The following PAX8 variants were observed in gnomAD, a reference collection of about 807,000 sequenced individuals.
The protein encoded by PAX8 is paired box protein Pax-8.
Under a neutral mutation model 52.4 loss-of-function variants are expected in PAX8, and 15 were observed. The observed-to-expected ratio is 0.29, with a 90% CI of 0.19 to 0.44. PAX8 has a LOEUF of 0.44. Among genes scored for constraint, PAX8 ranks in the 20% least tolerant of loss-of-function variants. PAX8 has a pLI of 1.00. For synonymous variants in PAX8, 284 were observed against 249.7 expected (o/e 1.14, Z -1.29); for missense variants, 554 against 602.5 (o/e 0.92, Z 0.84).
intron 11 of PAX8, 144 bp downstream of exon 11, chr2:113,219,948 T>A: frequency 1.6e-6 from 1 of 621,182 alleles, no homozygotes; most frequent in South Asian, 1.9e-5. Flanking sequence ...CCTGCTGCCT[T>A]CTTCCATCAC....
intron 2 of PAX8, among the ~76,000 whole-genome samples, chr2:113,249,603 G>A (rs1039393963): frequency 2.0e-5 from 3 of 152,046 alleles, no homozygotes; most frequent in South Asian, 2.1e-4. Flanking sequence ...AAAAGAAAAC[G>A]ACGCTGTAAG....
At chr2:113,250,250 G>C (rs1325052630) in intron 2 of PAX8, among the ~76,000 whole-genome samples, 1 of 129,624 alleles carries the variant, frequency 7.7e-6, no homozygotes, top group African/African-American at 3.0e-5. Flanking sequence ...CTGGGTGACA[G>C]AGCAAGACTC....
chr2:113,218,769 T>A (rs1469629671), intron 11 of PAX8, among the ~76,000 whole-genome samples, 160 bp from the exon 12 acceptor site: 1 of 152,204 alleles, frequency 6.6e-6, no homozygotes, highest in Non-Finnish European at 1.5e-5. Context: ...CCAGCCCTAT[T>A]TCCTCCTTCT....
intron 10 of PAX8, 183 bp downstream of exon 10, chr2:113,226,972 G>A: frequency 2.0e-6 from 3 of 1,512,918 alleles, no homozygotes; most frequent in Admixed American, 4.0e-5. Flanking sequence ...TAAATAGGGA[G>A]TCAGGACTGC....
At chr2:113,237,409 CAG>C in intron 7 of PAX8, 1 of 152,274 alleles carries the variant, frequency 6.6e-6, no homozygotes, top group South Asian at 2.1e-4. Flanking sequence ...TATAGTGAAA[CAG>C]ACTAAACCCG....
chr2:113,272,967 G>T (rs1693565069), intron 2 of PAX8: 1 of 152,142 alleles, frequency 6.6e-6, no homozygotes, highest in Admixed American at 6.5e-5. Context: ...TTGAAGGTGG[G>T]CTCATTCATT....
chr2:113,247,081 C>A (rs1178800652), intron 2 of PAX8, among the ~76,000 whole-genome samples, 162 bp from the exon 3 acceptor site: 1 of 152,254 alleles, frequency 6.6e-6, no homozygotes, highest in East Asian at 1.9e-4. Flanking sequence ...TTCCCCAGTT[C>A]TCACTCCCAA....
At chr2:113,220,225 A>C (rs1277984951) in intron 10 of PAX8, 47 bp from the exon 11 acceptor site, 9 of 1,444,914 alleles carry the variant, frequency 6.2e-6, no homozygotes, top group Non-Finnish European at 8.7e-6. Flanking sequence ...AAGGGCATCA[A>C]TGCAGGGCTG....
chr2:113,260,075 A>G (rs144193475), intron 2 of PAX8, among the ~76,000 whole-genome samples: 29 of 152,262 alleles, frequency 1.9e-4, no homozygotes, highest in African/African-American at 7.0e-4. Context: ...TTTTCAGTAC[A>G]TTAGATTTCA....
In PAX8 at chr2:113,226,516, G is replaced by A. The variant is rs908248490; in HGVS notation, c.1189+639C>T. ...ACAAAGAAACCCAAATGACTGGCAG[G>A]CAGGTTCCAGAACAGTCCAAATGAG... On this transcript the variant is annotated intron_variant, in intron 10 of 11. Coordinates refer to ENST00000429538, the MANE Select transcript of PAX8 (RefSeq NM_003466.4). The A allele has an allele frequency of 4.0e-6, 4 of 988,292 alleles. No homozygotes were observed. In the African/African-American group the frequency reaches 7.0e-5, roughly 17 times the overall value. The allele number at this position is 988,292 out of a possible 1,614,324, so 61.2% of individuals were successfully genotyped here.
At position 113,227,174 on chromosome 2, in the gene PAX8, G is replaced by A; in HGVS notation, c.1170C>T (p.Ala390=). The A allele has an allele frequency of 6.2e-7, 1 of 1,603,790 alleles. No individual in the cohort carries two copies. The highest frequency in any genetic ancestry group is 8.5e-7 in the Non-Finnish European group (1 of 1,175,938). Residue 390 remains alanine, a synonymous_variant, in exon 10 of 12, where the codon GCC becomes GCT. Transcript: ENST00000429538. ...TSGQGSYASS[A]IAGMVAGSEY... ...CCTTACCTGCCACCATGCCTGCGAT[G>A]GCAGAGGAGGCATAGCTGCCCTGTC...
chr2:113,240,853 C>T (rs1690761191), intron 7 of PAX8: 1 of 159,354 alleles, frequency 6.3e-6, no homozygotes, highest in African/African-American at 2.4e-5. Flanking sequence ...CTTAAGGAGT[C>T]CGCGTGTCTT....
At chr2:113,242,882 A>C in intron 4 of PAX8, 104 bp from the exon 5 acceptor site, 2 of 789,784 alleles carry the variant, frequency 2.5e-6, no homozygotes, top group Non-Finnish European at 4.5e-6. Context: ...GGGTATCTCC[A>C]AGGCACTTGA....
intron 9 of PAX8, among the ~76,000 whole-genome samples, chr2:113,231,425 GTTTCTTC>G (rs1689881267): frequency 6.6e-6 from 1 of 152,240 alleles, no homozygotes; most frequent in Non-Finnish European, 1.5e-5. Context: ...AAACCTTGCT[GTTTCTTC>G]TTTCTTGGCT....
intron 3 of PAX8, 102 bp from the exon 4 acceptor site, chr2:113,244,726 G>T (rs1691163563): frequency 1.9e-6 from 2 of 1,056,852 alleles, no homozygotes; most frequent in Admixed American, 1.7e-5. Flanking sequence ...TTCTGGGTAG[G>T]GGTATGAGAG....
chr2:113,245,758 T>C (rs185210181), intron 3 of PAX8, among the ~76,000 whole-genome samples: 3 of 152,316 alleles, frequency 2.0e-5, no homozygotes, highest in Admixed American at 2.0e-4. Context: ...GTTACTTCCA[T>C]CCAGGACTCA....
intron 2 of PAX8, chr2:113,268,543 G>C (rs949493465): frequency 6.6e-6 from 1 of 152,204 alleles, no homozygotes; most frequent in Non-Finnish European, 1.5e-5. Flanking sequence ...TGAGATGTGC[G>C]AGGCATACAT....
chr2:113,221,347 T>G (rs1689263226), intron 10 of PAX8, among the ~76,000 whole-genome samples: 1 of 152,184 alleles, frequency 6.6e-6, no homozygotes, highest in African/African-American at 2.4e-5. Context: ...AGCTATGTGG[T>G]TCTGAGTCTC....
intron 7 of PAX8, chr2:113,238,583 C>T (rs1690558655): frequency 6.6e-6 from 1 of 152,166 alleles, no homozygotes; most frequent in African/African-American, 2.4e-5. Flanking sequence ...TGAAACTTCC[C>T]AGTGATTATT....
Sources: gnomAD v4.1 joint callset for allele counts (sites outside exome capture counted in the v4.1 genomes callset) on GRCh38, gnomAD v4.1.1 for gene constraint, MANE v1.5 for transcripts, NCBI Gene and HGNC (gene_info 2026-07-23, HGNC 2026-07-21) for gene names.